NXF1: variants seen among roughly 807,000 people sequenced by gnomAD.
The protein encoded by NXF1 is mRNA export factor TAP.
In NXF1, 43 loss-of-function variants were observed where a neutral mutation model predicts 92.4. The ratio of observed to expected loss-of-function variants is 0.47; its 90% confidence interval spans 0.36 to 0.60. The LOEUF is 0.60. Ranked by LOEUF, NXF1 falls within the 20% of genes least tolerant of loss-of-function variation. The pLI is 0.00. For synonymous variants in NXF1, 288 were observed against 292.2 expected (o/e 0.99, Z 0.15); for missense variants, 576 against 793.0 (o/e 0.73, Z 3.29).
chr11:62,794,102 G>A (rs1455651817), intron 19 of NXF1, among the ~76,000 whole-genome samples, 156 bp downstream of exon 19: 1 of 151,898 alleles, frequency 6.6e-6, no homozygotes, highest in African/African-American at 2.4e-5. Context: ...AGGAATTAGA[G>A]GCTACAGTGA....
intron 4 of NXF1, 26 bp downstream of exon 4, chr11:62,802,151 A>G (rs756847975): frequency 3.7e-5 from 59 of 1,610,136 alleles, no homozygotes; most frequent in Non-Finnish European, 5.1e-6. Flanking sequence ...GTGCCTGGCC[A>G]GCCAGCCACT....
In NXF1 at chr11:62,801,626, G is replaced by C. The variant is rs140528299; in HGVS notation, c.645C>G (p.Ile215Met). The C allele has an allele frequency of 6.2e-7, 1 of 1,612,322 alleles. No individual in the cohort carries two copies. Among genetic ancestry groups the C allele is most frequent in the Non-Finnish European group, 8.5e-7 (1 of 1,179,800 alleles). The change falls in exon 7 of 21, where the codon ATC (isoleucine) becomes ATG (methionine). Residue 215 changes from isoleucine (I) to methionine (M), a missense_variant. Transcript: ENST00000294172. Reference sequence around the variant, plus strand: ...GGGAGCCATCGTATCGTTTGCTCATGATCAGCTAGAGGAAAAAGAAGGGTT... The same window carrying C: ...GGGAGCCATCGTATCGTTTGCTCATCATCAGCTAGAGGAAAAAGAAGGGTT... ...KPEQVEQLKL[I>M]MSKRYDGSQQ...
At chr11:62,796,684 C>G (rs992812553) in intron 13 of NXF1, 117 bp from the exon 14 acceptor site, 14 of 695,084 alleles carry the variant, frequency 2.0e-5, no homozygotes, top group African/African-American at 1.6e-4. Flanking sequence ...GTAATCCCAG[C>G]ACTTTGGGAG....
At position 62,795,004 on chromosome 11, in the gene NXF1, T is replaced by TCCA; in HGVS notation, c.1505_1507dup (p.Val502dup). 2 of 1,614,072 alleles carry TCCA rather than the reference T, an allele frequency of 1.2e-6. No homozygotes were observed. The highest frequency in any genetic ancestry group is 1.7e-6 in the Non-Finnish European group (2 of 1,179,922). On this transcript the variant is annotated inframe_insertion, in exon 18 of 21. Coordinates refer to ENST00000294172, the MANE Select transcript of NXF1 (RefSeq NM_006362.5). ...TCGCAAAGAATCCCGGGACTTTCCG[T>TCCA]CCACTGCAATAAGAACAGCAACAAC...
At chr11:62,796,205 G>C in intron 15 of NXF1, 24 bp from the exon 16 acceptor site, 1 of 1,613,632 alleles carries the variant, frequency 6.2e-7, no homozygotes, top group Non-Finnish European at 8.5e-7. Context: ...AGAAAGCTCA[G>C]TGGTGCTGCC....
intron 3 of NXF1, among the ~76,000 whole-genome samples, chr11:62,802,722 C>T (rs1251791344): frequency 6.6e-6 from 1 of 152,116 alleles, no homozygotes; most frequent in East Asian, 1.9e-4. Flanking sequence ...CAGGCATGAG[C>T]CACTGTACCC....
chr11:62,796,009 T>C, intron 16 of NXF1, 57 bp downstream of exon 16: 1 of 1,426,436 alleles, frequency 7.0e-7, no homozygotes, highest in Non-Finnish European at 9.5e-7. Context: ...CCCTTGCCTA[T>C]TAAATGCCAC....
At chr11:62,792,998 T>A (rs1334976515) in intron 19 of NXF1, among the ~76,000 whole-genome samples, 1 of 152,162 alleles carries the variant, frequency 6.6e-6, no homozygotes, top group Non-Finnish European at 1.5e-5. Context: ...AAAAGGAACT[T>A]CCATTTTACC....
At chr11:62,792,544 G>T in intron 20 of NXF1, 30 bp from the exon 21 acceptor site, 1 of 1,614,198 alleles carries the variant, frequency 6.2e-7, no homozygotes, top group Non-Finnish European at 8.5e-7. Context: ...AGTAGAGGTA[G>T]GCCTACCCTC....
intron 19 of NXF1, among the ~76,000 whole-genome samples, chr11:62,793,528 T>C (rs1392735922): frequency 6.6e-6 from 1 of 151,888 alleles, no homozygotes; most frequent in Non-Finnish European, 1.5e-5. Context: ...TACAAAAAAA[T>C]TAGCCAGGTG....
chr11:62,801,918 C>A, intron 5 of NXF1, 24 bp downstream of exon 5: 1 of 1,612,304 alleles, frequency 6.2e-7, no homozygotes, highest in Non-Finnish European at 8.5e-7. Context: ...CCACCTCCAG[C>A]CAAGCCAGGC....
In NXF1 at chr11:62,801,110, T is replaced by C. The variant is rs1372303070; in HGVS notation, c.890A>G (p.Asn297Ser). 1.9e-6 allele frequency: 3 copies of C among 1,613,386 alleles called. No homozygotes were observed. Among genetic ancestry groups the C allele is most frequent in the South Asian group, 2.2e-5 (2 of 91,072 alleles). ...VQKAPNLKIL[N>S]LSGNELKSER... ...AATTCTCACTTCATTTCCAGAAAGGTTTAGGATCTTCAGGTTGGGTGCCTT... is the reference window on the plus strand; with the variant it reads ...AATTCTCACTTCATTTCCAGAAAGGCTTAGGATCTTCAGGTTGGGTGCCTT... Residue 297 changes from asparagine (N) to serine (S), a missense_variant, in exon 9 of 21, where the codon AAC (asparagine) becomes AGC (serine). Coordinates refer to ENST00000294172, the MANE Select transcript of NXF1 (RefSeq NM_006362.5).
intron 9 of NXF1, 75 bp from the exon 10 acceptor site, chr11:62,800,561 CT>C: frequency 1.1e-6 from 1 of 898,802 alleles, no homozygotes; most frequent in Non-Finnish European, 1.7e-6. Context: ...CCCCCAGTCC[CT>C]ACGCTTAGCT....
chr11:62,802,237 G>A lies in NXF1; in HGVS notation c.393C>T (p.Asp131=). 6.2e-7 allele frequency: 1 copy of A among 1,614,112 alleles called. No individual in the cohort carries two copies. Among genetic ancestry groups the A allele is most frequent in the Non-Finnish European group, 8.5e-7 (1 of 1,179,954 alleles). The part of the protein sequence containing the change: ...KITIPYGRKY[D]KAWLLSMIQS... ...GAATCATGCTCAGGAGCCATGCCTT[G>A]TCATACTTTCTGCCATAAGGAATCT... Residue 131 remains aspartate, a synonymous_variant, in exon 4 of 21, where the codon GAC becomes GAT. Coordinates refer to ENST00000294172, the MANE Select transcript of NXF1 (RefSeq NM_006362.5).
At chr11:62,796,247 C>T in intron 15 of NXF1, 40 bp downstream of exon 15, 1 of 1,613,358 alleles carries the variant, frequency 6.2e-7, no homozygotes, top group African/African-American at 1.3e-5. Context: ...GATTCCTTCC[C>T]ATGCCCTTTT....
chr11:62,805,199 G>C, intron 1 of NXF1, 130 bp downstream of exon 1: 1 of 794,538 alleles, frequency 1.3e-6, no homozygotes, highest in Non-Finnish European at 1.8e-6. Context: ...CGAGTGCCCG[G>C]CCCCCCGCGC....
At chr11:62,792,968 A>G (rs1244773758) in intron 19 of NXF1, among the ~76,000 whole-genome samples, 1 of 152,166 alleles carries the variant, frequency 6.6e-6, no homozygotes, top group Non-Finnish European at 1.5e-5. Flanking sequence ...TAAAGAAACT[A>G]AGTTGCAGAA....
chr11:62,801,075 C>T lies in NXF1; in HGVS notation c.906+19G>A, dbSNP rs1400167738. 6.3e-7 allele frequency: 1 copy of T among 1,584,802 alleles called. No homozygotes were observed. Among genetic ancestry groups the T allele is most frequent in the Non-Finnish European group, 8.7e-7 (1 of 1,153,490 alleles). On this transcript the variant is annotated intron_variant, in intron 9 of 20. Transcript: ENST00000294172. Reference sequence around the variant, plus strand: ...TCTACCCACCCCTTCAAAAATATAGCCGAGCTATCAATTCTCACTTCATTT... The same window carrying T: ...TCTACCCACCCCTTCAAAAATATAGTCGAGCTATCAATTCTCACTTCATTT...
intron 9 of NXF1, 63 bp downstream of exon 9, chr11:62,801,031 G>T: frequency 1.6e-6 from 2 of 1,257,238 alleles, no homozygotes; most frequent in Non-Finnish European, 2.3e-6. Flanking sequence ...TGCCATCACT[G>T]GACAAACTCT....
Sources: allele counts gnomAD v4.1 joint callset (sites outside exome capture counted in the v4.1 genomes callset), GRCh38; gene constraint gnomAD v4.1.1; transcripts MANE v1.5; gene names NCBI Gene and HGNC (gene_info 2026-07-23, HGNC 2026-07-21).